The following SEMA3C variants were observed in gnomAD, a reference collection of about 807,000 sequenced individuals.
SEMA3C encodes semaphorin 3C.
In SEMA3C, 47 loss-of-function variants were observed where a neutral mutation model predicts 89.4. The ratio of observed to expected loss-of-function variants is 0.53; its 90% CI spans 0.42 to 0.67. The LOEUF (loss-of-function observed/expected upper bound fraction) is 0.67, where lower values mean the gene tolerates loss of function less well. Ranked by LOEUF, SEMA3C falls within the 30% of genes least tolerant of loss-of-function variation. The pLI is 0.00. For synonymous variants in SEMA3C, 310 were observed against 320.2 expected (o/e 0.97, Z 0.34); for missense variants, 839 against 929.1 (o/e 0.90, Z 1.26).
At chr7:80,829,500 G>A (rs535366425) in intron 2 of SEMA3C, among the ~76,000 whole-genome samples, 11 of 152,024 alleles carry the variant, frequency 7.2e-5, no homozygotes, top group Admixed American at 2.0e-4. Context: ...TATTTGCCTT[G>A]CTTCCCAACG....
rs570921168 is a variant in SEMA3C at position 80,827,505 on chromosome 7, T to C, written c.265-18A>G. ...CAGAAAACCTGCTCAGAAAGAAAAA[T>C]AAAGGTTGCATAATCTCACCTGGAC... On this transcript the variant is annotated intron_variant, in intron 3 of 17. Transcript: ENST00000265361. The C allele has an allele frequency of 5.5e-5, 86 of 1,577,742 alleles. 1 individual carries two copies. In the South Asian group the frequency reaches 7.9e-4, roughly 15 times the overall value.
intron 12 of SEMA3C, among the ~76,000 whole-genome samples, chr7:80,785,659 GC>G (rs1788784735): frequency 6.6e-6 from 1 of 152,198 alleles, no homozygotes; most frequent in Non-Finnish European, 1.5e-5. Flanking sequence ...CACTCTTGTT[GC>G]CCAGGCTGGA....
In SEMA3C at chr7:80,742,588, C is replaced by T. The variant is rs951198093; in HGVS notation, c.*2306G>A. Reference sequence around the variant, plus strand: ...GCCAGGCCAATGATTTCATCAATATCCAATTAAATTTTAGTGTGACAACTA... The same window carrying T: ...GCCAGGCCAATGATTTCATCAATATTCAATTAAATTTTAGTGTGACAACTA... On this transcript the variant is annotated 3_prime_UTR_variant, in exon 18 of 18. Transcript: ENST00000265361. 5 of 151,892 alleles carry T rather than the reference C, an allele frequency of 3.3e-5. No individual in the cohort carries two copies. Among genetic ancestry groups the T allele is most frequent in the Admixed American group, 2.6e-4 (4 of 15,246 alleles). 9.4% of individuals were successfully genotyped at this position (151,892 alleles called of 1,614,324 possible).
At chr7:80,764,476 C>A (rs1788251475) in intron 13 of SEMA3C, among the ~76,000 whole-genome samples, 3 of 152,200 alleles carry the variant, frequency 2.0e-5, no homozygotes, top group Admixed American at 1.3e-4. Flanking sequence ...CACCACAAAT[C>A]CCCTCTCCTG....
intron 4 of SEMA3C, among the ~76,000 whole-genome samples, chr7:80,818,691 T>C (rs1267842234): frequency 6.6e-6 from 1 of 152,138 alleles, no homozygotes; most frequent in Non-Finnish European, 1.5e-5. Flanking sequence ...AAATCTCATG[T>C]TTTTAAAAAG....
chr7:80,823,458 A>T (rs1789800903), intron 4 of SEMA3C, among the ~76,000 whole-genome samples: 1 of 152,156 alleles, frequency 6.6e-6, no homozygotes, highest in African/African-American at 2.4e-5. Context: ...ATAAAAATAG[A>T]TGTTTAAAAA....
At chr7:80,883,349 G>T (rs552795312) in intron 2 of SEMA3C, among the ~76,000 whole-genome samples, 18 of 152,234 alleles carry the variant, frequency 1.2e-4, no homozygotes, top group Admixed American at 5.2e-4. Flanking sequence ...ACCTTAGCAG[G>T]ACCCCTTATT....
chr7:80,885,376 G>A (rs372389208), intron 2 of SEMA3C, among the ~76,000 whole-genome samples: 9 of 152,120 alleles, frequency 5.9e-5, no homozygotes, highest in African/African-American at 1.7e-4. Context: ...TAGCACTTTG[G>A]GAGGCTGAGG....
intron 15 of SEMA3C, among the ~76,000 whole-genome samples, chr7:80,753,233 A>T (rs945154654): frequency 2.0e-5 from 3 of 152,198 alleles, no homozygotes; most frequent in Admixed American, 6.5e-5. Flanking sequence ...AATATGATTA[A>T]TATGGTAGTG....
At chr7:80,918,035 A>C (rs1238822569) in intron 1 of SEMA3C, among the ~76,000 whole-genome samples, 1 of 152,210 alleles carries the variant, frequency 6.6e-6, no homozygotes, top group East Asian at 1.9e-4. Flanking sequence ...ACACAGATGG[A>C]GGAAACTCTA....
chr7:80,811,353 T>C (rs1789464984), intron 5 of SEMA3C, among the ~76,000 whole-genome samples: 1 of 152,012 alleles, frequency 6.6e-6, no homozygotes, highest in African/African-American at 2.4e-5. Flanking sequence ...ATAATTAAAA[T>C]ATGGAAATAT....
At chr7:80,918,538 T>A (rs1290333413) in intron 1 of SEMA3C, 1 of 152,248 alleles carries the variant, frequency 6.6e-6, no homozygotes, top group Non-Finnish European at 1.5e-5. Context: ...TCACTTCTGC[T>A]GATCGCAAAC....
At chr7:80,792,164 T>G (rs1788958969) in intron 11 of SEMA3C, among the ~76,000 whole-genome samples, 1 of 152,224 alleles carries the variant, frequency 6.6e-6, no homozygotes, top group Non-Finnish European at 1.5e-5. Flanking sequence ...ATTTACAAAC[T>G]GCTCACAACA....
chr7:80,778,564 T>C (rs1788620184), intron 12 of SEMA3C, among the ~76,000 whole-genome samples: 1 of 152,224 alleles, frequency 6.6e-6, no homozygotes, highest in Non-Finnish European at 1.5e-5. Flanking sequence ...CTTGAATATC[T>C]ATCTACATTT....
chr7:80,820,306 C>T (rs1429876218), intron 4 of SEMA3C, among the ~76,000 whole-genome samples: 4 of 151,844 alleles, frequency 2.6e-5, no homozygotes, highest in East Asian at 1.9e-4. Flanking sequence ...ATGAACCACC[C>T]GCCTCGGCCT....
intron 2 of SEMA3C, among the ~76,000 whole-genome samples, chr7:80,911,616 C>CTT (rs774658177): frequency 1.4e-5 from 2 of 140,956 alleles, no homozygotes; most frequent in Non-Finnish European, 1.6e-5. Flanking sequence ...AGAATAGGAC[C>CTT]TTTTTTTTTT....
At chr7:80,907,472 G>A (rs1022626918) in intron 2 of SEMA3C, among the ~76,000 whole-genome samples, 1 of 152,054 alleles carries the variant, frequency 6.6e-6, no homozygotes, top group Non-Finnish European at 1.5e-5. Flanking sequence ...TACTGTTCAG[G>A]AGAAAGGAAA....
chr7:80,795,554 C>G (rs1393769064), intron 11 of SEMA3C, among the ~76,000 whole-genome samples: 1 of 152,128 alleles, frequency 6.6e-6, no homozygotes, highest in Non-Finnish European at 1.5e-5. Context: ...AATGGTCATT[C>G]TTGAGAGCTA....
chr7:80,898,321 G>A (rs111747986), intron 2 of SEMA3C, among the ~76,000 whole-genome samples: 8,367 of 152,164 alleles, frequency 0.055, 277 homozygotes, highest in African/African-American at 0.087. Flanking sequence ...AGCCGAGATC[G>A]CGCCACTGCA....
Sources: allele counts gnomAD v4.1 joint callset (sites outside exome capture counted in the v4.1 genomes callset), GRCh38; gene constraint gnomAD v4.1.1; transcripts MANE v1.5; gene names NCBI Gene and HGNC (gene_info 2026-07-23, HGNC 2026-07-21).